INTS11: variants seen among roughly 807,000 people sequenced by gnomAD.
INTS11 encodes integrator complex subunit 11.
In INTS11, 77 loss-of-function variants were observed where a neutral mutation model predicts 78.6. The ratio of observed to expected loss-of-function variants is 0.98; its 90% CI spans 0.81 to 1.18. The LOEUF is 1.18. INTS11 is among the 50% of genes most tolerant of loss of function. The pLI is 0.00. For synonymous variants in INTS11, 441 were observed against 326.9 expected (o/e 1.35, Z -3.77); for missense variants, 875 against 825.9 (o/e 1.06, Z -0.73).
At chr1:1,318,375 T>C (rs765185296) in intron 4 of INTS11, among the ~76,000 whole-genome samples, 7 of 151,620 alleles carry the variant, frequency 4.6e-5, no homozygotes, top group Non-Finnish European at 7.4e-5. Context: ...ACTGAGGGAG[T>C]TGCCAGGTGT....
chr1:1,314,648 A>G lies in INTS11; in HGVS notation c.702+176T>C. 1.2e-6 allele frequency: 1 copy of G among 832,432 alleles called. No homozygotes were observed. Among genetic ancestry groups the G allele is most frequent in the East Asian group, 2.7e-5 (1 of 37,684 alleles). The allele number at this position is 832,432 out of a possible 1,614,324, so 51.6% of individuals were successfully genotyped here. On this transcript the variant is annotated intron_variant, in intron 7 of 16. Transcript: ENST00000435064. The surrounding 1 kb of genome is among the most constrained non-coding windows in gnomAD (Gnocchi z 4.2). ...AGGTAGGAGGGAAAAGGGGCTCCCT[A>G]GGAAAGGGTCTCTGAGTTTTCCTCC... is the stretch of plus-strand genomic sequence containing the variant.
At chr1:1,320,608 C>A (rs1341929980) in intron 2 of INTS11, 79 bp from the exon 3 acceptor site, 2 of 1,454,664 alleles carry the variant, frequency 1.4e-6, no homozygotes, top group African/African-American at 2.8e-5. Context: ...CAGGGAGGGG[C>A]CCCCAGGAAG....
In INTS11 at chr1:1,324,628, G is replaced by A. The variant is rs566862119; in HGVS notation, c.-20C>T. On this transcript the variant is annotated 5_prime_UTR_variant, in exon 1 of 17. Coordinates refer to ENST00000435064, the MANE Select transcript of INTS11 (RefSeq NM_017871.6). ...AGGCATCGTCTCCGCCGCGCTCCCG[G>A]ACCCGCGAGGCCCGCCTGCGGTGAT... is the stretch of plus-strand genomic sequence containing the variant. The A allele has an allele frequency of 3.8e-6, 6 of 1,598,738 alleles. No individual in the cohort carries two copies. Among genetic ancestry groups the A allele is most frequent in the Non-Finnish European group, 5.1e-6 (6 of 1,174,496 alleles).
At chr1:1,322,320 G>A (rs944064302) in intron 1 of INTS11, among the ~76,000 whole-genome samples, 1 of 151,544 alleles carries the variant, frequency 6.6e-6, no homozygotes, top group Non-Finnish European at 1.5e-5. Context: ...GTGGAAAGGT[G>A]CGGGAATAGA....
intron 4 of INTS11, chr1:1,318,628 TA>T (rs1642754917): frequency 2.6e-6 from 1 of 386,852 alleles, no homozygotes; most frequent in African/African-American, 2.2e-5. Flanking sequence ...CCAGCCTGGG[TA>T]ACAAAGTGAG....
Position 1,313,781 on chromosome 1 carries a change from T to C in INTS11, c.908A>G (p.Lys303Arg), listed in dbSNP as rs371596695. Reference sequence around the variant, plus strand: ...AGCCCGGTCGAAGGCCTTGATGTGCTTGAACTCAAACATGTTCCTCTGCAC... The same window carrying C: ...AGCCCGGTCGAAGGCCTTGATGTGCCTGAACTCAAACATGTTCCTCTGCAC... ...TFVQRNMFEFKHIKAFDRAFA... is the reference protein window; with the variant it reads ...TFVQRNMFEFRHIKAFDRAFA... Residue 303 changes from lysine to arginine, a missense_variant, in exon 9 of 17, where the codon AAG (lysine) becomes AGG (arginine). Coordinates refer to ENST00000435064, the MANE Select transcript of INTS11 (RefSeq NM_017871.6). 4.4e-5 allele frequency: 71 copies of C among 1,613,420 alleles called. No homozygotes were observed. Among genetic ancestry groups the C allele is most frequent in the Non-Finnish European group, 5.9e-5 (70 of 1,179,986 alleles).
chr1:1,312,213 G>GCCGCCCCCCCCCCCCC lies in INTS11; in HGVS notation c.1607+12_1607+13insGGGGGGGGGGGGGCGG. 1 of 934,578 alleles carries GCCGCCCCCCCCCCCCC rather than the reference G, an allele frequency of 1.1e-6. No homozygotes were observed. Among genetic ancestry groups the GCCGCCCCCCCCCCCCC allele is most frequent in the Non-Finnish European group, 1.6e-6 (1 of 636,630 alleles). The allele number at this position is 934,578 out of a possible 1,614,324, so 57.9% of individuals were successfully genotyped here. A position where few individuals can be genotyped will look rare whatever the true frequency, so the allele number is the denominator to read the frequency against. ...CCCAAGGGAGTGGGGGGGGGGCGGG[G>GCCGCCCCCCCCCCCCC]CCGGGCGCCCACCTCTTGAGGTGGC... is the stretch of plus-strand genomic sequence containing the variant. On this transcript the variant is annotated intron_variant, in intron 15 of 16. Coordinates refer to ENST00000435064, the MANE Select transcript of INTS11 (RefSeq NM_017871.6).
intron 10 of INTS11, 185 bp from the exon 11 acceptor site, chr1:1,313,309 G>T: frequency 1.1e-6 from 1 of 884,324 alleles, no homozygotes; most frequent in Non-Finnish European, 1.8e-6. Context: ...CTGGGCTGGG[G>T]CTGTTCTGCC....
At position 1,314,911 on chromosome 1, in the gene INTS11, C is replaced by T; in HGVS notation, c.615G>A (p.Thr205=). The part of the protein sequence containing the change: ...CRPNLLITES[T]YATTIRDSKR... ...TGGAGTCACGGATGGTCGTGGCGTA[C>T]GTGGACTCTGTGATGAGCAGGTTGG... is the stretch of plus-strand genomic sequence containing the variant. Residue 205 remains threonine (T), a synonymous_variant, in exon 7 of 17, where the codon ACG becomes ACA. Coordinates refer to ENST00000435064, the MANE Select transcript of INTS11 (RefSeq NM_017871.6). The surrounding 1 kb of genome is among the most constrained non-coding windows in gnomAD (Gnocchi z 4.2). 5 of 1,613,102 alleles carry T rather than the reference C, an allele frequency of 3.1e-6. No individual in the cohort carries two copies. The highest frequency in any genetic ancestry group is 1.7e-4 in the Middle Eastern group (1 of 6,060).
chr1:1,319,860 C>A, intron 3 of INTS11: 1 of 313,682 alleles, frequency 3.2e-6, no homozygotes, highest in Non-Finnish European at 6.0e-6. Context: ...GTGAAGGTGG[C>A]ACAGACCTGA....
intron 6 of INTS11, chr1:1,315,174 C>CA (rs1642502707): frequency 2.8e-6 from 2 of 720,544 alleles, no homozygotes; most frequent in Non-Finnish European, 4.5e-6. Context: ...AAGAGCGAGA[C>CA]AGAGGCACCC....
rs1421593112 is a variant in INTS11 at position 1,312,154 on chromosome 1, G to A, written c.1608-7C>T. On this transcript the variant is annotated splice_polypyrimidine_tract_variant and splice_region_variant and intron_variant, in intron 15 of 16. Coordinates refer to ENST00000435064, the MANE Select transcript of INTS11 (RefSeq NM_017871.6). The stretch of plus-strand genomic sequence containing the variant: ...ACAGTGGTCCTTCAGGACGCTGTGG[G>A]GAGGCTCGGTGAGACCCTGCCTGGC... 1.3e-6 allele frequency: 2 copies of A among 1,526,862 alleles called. No homozygotes were observed. The highest frequency in any genetic ancestry group is 8.8e-7 in the Non-Finnish European group (1 of 1,134,988). 94.6% of individuals were successfully genotyped at this position (1,526,862 alleles called of 1,614,324 possible). A position where few individuals can be genotyped will look rare whatever the true frequency, so the allele number is the denominator to read the frequency against.
chr1:1,312,252 T>C lies in INTS11; in HGVS notation c.1581A>G (p.Ala527=). Residue 527 remains alanine (A), a synonymous_variant, in exon 15 of 17, where the codon GCA becomes GCG. Transcript: ENST00000435064. ...TCTTGAGGTGGCTGTAGACGCGCAA[T>C]GCCGTCTCCTGCTCCTTGCGTGTGT... is the stretch of plus-strand genomic sequence containing the variant. ...LHDTRKEQET[A]LRVYSHLKSV... is the part of the protein sequence containing the mutation. 2 of 1,536,344 alleles carry C rather than the reference T, an allele frequency of 1.3e-6. No homozygotes were observed. The highest frequency in any genetic ancestry group is 1.8e-6 in the Non-Finnish European group (2 of 1,138,844).
Position 1,314,416 on chromosome 1 carries a change from C to T in INTS11, c.703-51G>A. 6.6e-7 allele frequency: 1 copy of T among 1,525,200 alleles called. No individual in the cohort carries two copies. The highest frequency in any genetic ancestry group is 8.9e-7 in the Non-Finnish European group (1 of 1,120,394). 94.5% of individuals were successfully genotyped at this position (1,525,200 alleles called of 1,614,324 possible). A position where few individuals can be genotyped will look rare whatever the true frequency, so the allele number is the denominator to read the frequency against. On this transcript the variant is annotated intron_variant, in intron 7 of 16. Coordinates refer to ENST00000435064, the MANE Select transcript of INTS11 (RefSeq NM_017871.6). The surrounding 1 kb of genome is among the most constrained non-coding windows in gnomAD (Gnocchi z 4.2). Reference sequence around the variant, plus strand: ...CTGGGCACATGGCCCCTCGACACAGCAGGCAGCGTCCAGTGAGGGCACGGC... The same window carrying T: ...CTGGGCACATGGCCCCTCGACACAGTAGGCAGCGTCCAGTGAGGGCACGGC...
intron 4 of INTS11, 71 bp from the exon 5 acceptor site, chr1:1,315,689 A>T: frequency 2.8e-6 from 1 of 358,234 alleles, no homozygotes; most frequent in Non-Finnish European, 4.8e-6. Flanking sequence ...GAGGCGGGGG[A>T]CGGGAAGCGC....
In INTS11 at chr1:1,322,438, G is replaced by A. The variant is rs528692309; in HGVS notation, c.29-1345C>T. 4.1e-5 allele frequency among the ~76,000 whole-genome samples: 6 copies of A among 147,476 alleles called. No individual in the cohort carries two copies. In the East Asian group the frequency reaches 1.2e-3, roughly 30 times the overall value. On this transcript the variant is annotated intron_variant, in intron 1 of 16. Transcript: ENST00000435064. ...AGACACCCAAAGCACGCCAGACGAA[G>A]GTTACTATGACAGAAAAGAGCAAGG...
chr1:1,315,200 A>G, intron 6 of INTS11: 1 of 732,052 alleles, frequency 1.4e-6, no homozygotes, highest in East Asian at 2.7e-5. Context: ...GAGACTTGGG[A>G]AGAGAGAGAA....
At position 1,312,460 on chromosome 1, in the gene INTS11, T is replaced by A. The variant is rs749818752; in HGVS notation, c.1444A>T (p.Thr482Ser). The A allele has an allele frequency of 2.5e-5, 40 of 1,573,048 alleles. No individual in the cohort carries two copies. The highest frequency in any genetic ancestry group is 3.2e-5 in the Non-Finnish European group (37 of 1,159,848). Residue 482 changes from threonine (T) to serine (S), a missense_variant, in exon 14 of 17, where the codon ACC becomes TCC. Coordinates refer to ENST00000435064, the MANE Select transcript of INTS11 (RefSeq NM_017871.6). ...CTCACGCTGTCCTTCATGATCAGGGTGCCGTGCAGGAGCCGAGGCTTCTTG... is the reference window on the plus strand; with the variant it reads ...CTCACGCTGTCCTTCATGATCAGGGAGCCGTGCAGGAGCCGAGGCTTCTTG... ...EAKKPRLLHG[T>S]LIMKDSNFRL...
rs1570710459 is a variant in INTS11 at position 1,313,531 on chromosome 1, C to T, written c.1019G>A (p.Trp340Ter). ...AGQSLQIFRK[W>*]AGNEKNMVIM... Reference sequence around the variant, plus strand: ...CACCATGTTCTTTTCGTTTCCGGCCCATTTCCGGAAGATCTGCAGGGACTG... The same window carrying T: ...CACCATGTTCTTTTCGTTTCCGGCCTATTTCCGGAAGATCTGCAGGGACTG... Residue 340 changes from tryptophan to a stop codon, truncating the protein, a stop_gained, in exon 10 of 17, where the codon TGG (tryptophan) becomes TAG (stop). Transcript: ENST00000435064. LOFTEE classifies it high-confidence loss of function. 1 of 1,613,058 alleles carries T rather than the reference C, an allele frequency of 6.2e-7. No individual in the cohort carries two copies. The highest frequency in any genetic ancestry group is 8.5e-7 in the Non-Finnish European group (1 of 1,180,022).
Sources: gnomAD v4.1 joint callset for allele counts (sites outside exome capture counted in the v4.1 genomes callset) on GRCh38, gnomAD v4.1.1 for gene constraint, Gnocchi (gnomAD v3.1) non-coding constraint, MANE v1.5 for transcripts, NCBI Gene and HGNC (gene_info 2026-07-23, HGNC 2026-07-21) for gene names.